CACNA1B: variants seen among roughly 807,000 people sequenced by gnomAD.
The protein encoded by CACNA1B is calcium voltage-gated channel subunit alpha1 B.
A neutral mutation model predicts 247.2 loss-of-function variants in CACNA1B; 70 were observed. The ratio of observed to expected loss-of-function variants is 0.28; its 90% confidence interval spans 0.23 to 0.35. CACNA1B has a LOEUF of 0.35. Among genes scored for constraint, CACNA1B ranks in the 10% least tolerant of loss-of-function variants. The probability of loss-of-function intolerance (pLI) is 1.00; values close to 1 mark genes in which losing one functional copy is unlikely to be tolerated. For missense variants in CACNA1B, 2,367 were observed against 3,197.4 expected (o/e 0.74, Z 6.26); for synonymous variants, 1,231 against 1,294.4 (o/e 0.95, Z 1.05).
chr9:137,878,316 G>A, intron 1 of CACNA1B, 99 bp downstream of exon 1: 1 of 1,057,182 alleles, frequency 9.5e-7, no homozygotes, highest in Non-Finnish European at 1.2e-6. Context: ...GCGACCTGGG[G>A]AGGCGTCGGG....
intron 3 of CACNA1B, among the ~76,000 whole-genome samples, chr9:137,903,721 A>G (rs1394693810): frequency 6.6e-6 from 1 of 152,166 alleles, no homozygotes; most frequent in Non-Finnish European, 1.5e-5. Context: ...CCAGGAATGT[A>G]GTATGTATGA....
intron 19 of CACNA1B, among the ~76,000 whole-genome samples, chr9:138,024,725 C>T (rs528713211): frequency 4.6e-4 from 70 of 152,272 alleles, no homozygotes; most frequent in Non-Finnish European, 7.4e-5. Flanking sequence ...ACTTCCCGGG[C>T]TGAAGCGATC....
intron 20 of CACNA1B, among the ~76,000 whole-genome samples, chr9:138,033,960 G>C (rs1171447808): frequency 6.6e-6 from 1 of 152,166 alleles, no homozygotes; most frequent in South Asian, 2.1e-4. Context: ...TGACAGATGG[G>C]AATAGAAGTA....
At chr9:138,041,458 A>AT (rs1287132209) in intron 20 of CACNA1B, among the ~76,000 whole-genome samples, 3 of 152,088 alleles carry the variant, frequency 2.0e-5, no homozygotes, top group Non-Finnish European at 2.9e-5. Context: ...CAGGGATTTA[A>AT]TTTTTTTAAC....
At chr9:137,915,231 G>T (rs1320944382) in intron 5 of CACNA1B, among the ~76,000 whole-genome samples, 3 of 152,210 alleles carry the variant, frequency 2.0e-5, no homozygotes, top group African/African-American at 7.2e-5. Context: ...GAGGAATCAT[G>T]TGGGCTTCAT....
chr9:138,075,308 G>A (rs1960277237), intron 34 of CACNA1B, among the ~76,000 whole-genome samples: 2 of 152,192 alleles, frequency 1.3e-5, no homozygotes, highest in Non-Finnish European at 2.9e-5. Flanking sequence ...ATGTGTCATA[G>A]TTCATAAATT....
intron 20 of CACNA1B, among the ~76,000 whole-genome samples, chr9:138,026,396 A>C (rs1958921435): frequency 6.6e-6 from 1 of 152,160 alleles, no homozygotes; most frequent in Admixed American, 6.5e-5. Context: ...TTTTATCTGC[A>C]GGAATCCAGA....
intron 40 of CACNA1B, among the ~76,000 whole-genome samples, chr9:138,114,023 G>A (rs1437131379): frequency 6.6e-6 from 1 of 151,852 alleles, no homozygotes; most frequent in Non-Finnish European, 1.5e-5. Context: ...CTCCTTGTGG[G>A]AGACGTGAGG....
In CACNA1B at chr9:137,913,562, T is replaced by C. The variant is rs1334198184; in HGVS notation, c.622+291T>C. Among the ~76,000 whole-genome samples the C allele has an allele frequency of 1.3e-5, 2 of 152,186 alleles. No homozygotes were observed. Among genetic ancestry groups the C allele is most frequent in the Non-Finnish European group, 2.9e-5 (2 of 68,018 alleles). On this transcript the variant is annotated intron_variant, in intron 4 of 46. Coordinates refer to ENST00000371372, the MANE Select transcript of CACNA1B (RefSeq NM_000718.4). This position sits in a 1 kb window ranked among gnomAD's most constrained non-coding sequence, Gnocchi z 5.2. ...CACATTTCAGCATTTTGCTTCTTTTTCTGAGGGTAAAGAATGGATGAGAGG... is the reference window on the plus strand; with the variant it reads ...CACATTTCAGCATTTTGCTTCTTTTCCTGAGGGTAAAGAATGGATGAGAGG...
At position 138,047,518 on chromosome 9, in the gene CACNA1B, G is replaced by A. The variant is rs1959194457; in HGVS notation, c.3603+60G>A. On this transcript the variant is annotated intron_variant, in intron 23 of 46. Transcript: ENST00000371372. ...TTTGCTCTCCCTCCCTCATGATTGA[G>A]ATGGGACCAGGGCAGTGGTTGAACC... The A allele has an allele frequency of 2.5e-6, 3 of 1,209,396 alleles. No individual in the cohort carries two copies. The East Asian group carries it at 7.0e-5, about 28-fold the overall frequency. 74.9% of individuals were successfully genotyped at this position (1,209,396 alleles called of 1,614,324 possible).
intron 6 of CACNA1B, among the ~76,000 whole-genome samples, chr9:137,926,137 TG>T (rs1216848271): frequency 9.3e-5 from 14 of 150,364 alleles, no homozygotes; most frequent in Non-Finnish European, 1.8e-4. Context: ...GGCACTATCT[TG>T]GCTCACTTGC....
chr9:137,972,645 G>A (rs1317691995), intron 11 of CACNA1B, among the ~76,000 whole-genome samples: 1 of 152,172 alleles, frequency 6.6e-6, no homozygotes, highest in African/African-American at 2.4e-5. Context: ...TGAGCTGCAG[G>A]ATCTGACAGC....
chr9:137,936,113 TC>T (rs1273763898), intron 6 of CACNA1B, among the ~76,000 whole-genome samples: 2 of 152,218 alleles, frequency 1.3e-5, no homozygotes, highest in Non-Finnish European at 2.9e-5. Flanking sequence ...CGCCTCGGCC[TC>T]CCAAAGTGCT....
chr9:138,061,617 A>G (rs1191563471), intron 31 of CACNA1B, among the ~76,000 whole-genome samples: 1 of 152,148 alleles, frequency 6.6e-6, no homozygotes, highest in South Asian at 2.1e-4. Flanking sequence ...CCTGGCTCAC[A>G]TGCATCCCCT....
chr9:138,004,078 G>A (rs1483387052), intron 15 of CACNA1B, among the ~76,000 whole-genome samples: 5 of 152,170 alleles, frequency 3.3e-5, no homozygotes, highest in Non-Finnish European at 5.9e-5. Flanking sequence ...TGAAGTCGGC[G>A]AAGGTGTGCA....
Position 137,913,384 on chromosome 9 carries a change from A to T in CACNA1B, c.622+113A>T. 1 of 769,108 alleles carries T rather than the reference A, an allele frequency of 1.3e-6. No homozygotes were observed. Among genetic ancestry groups the T allele is most frequent in the Non-Finnish European group, 2.1e-6 (1 of 471,206 alleles). The allele number at this position is 769,108 out of a possible 1,614,324, so 47.6% of individuals were successfully genotyped here. ...TGGCTTTGGTGACTCTGAGCTTGCC[A>T]CTTTTGACCCCAGGGAACCAGGCAG... On this transcript the variant is annotated intron_variant, in intron 4 of 46. Coordinates refer to ENST00000371372, the MANE Select transcript of CACNA1B (RefSeq NM_000718.4). This position sits in a 1 kb window ranked among gnomAD's most constrained non-coding sequence, Gnocchi z 5.2.
Position 137,957,597 on chromosome 9 carries a change from G to A in CACNA1B, c.1244-1G>A. ...TCTCTCCCATCCTTTGTTTAAAGCA[G>A]TGCTGAAGAGAGCGGCCACCAAGAA... On this transcript the variant is annotated splice_acceptor_variant, in intron 9 of 46. Coordinates refer to ENST00000371372, the MANE Select transcript of CACNA1B (RefSeq NM_000718.4). LOFTEE classifies it high-confidence loss of function. The surrounding 1 kb of genome is among the most constrained non-coding windows in gnomAD (Gnocchi z 4.7). 6.3e-7 allele frequency: 1 copy of A among 1,585,936 alleles called. No individual in the cohort carries two copies. Among genetic ancestry groups the A allele is most frequent in the Non-Finnish European group, 8.6e-7 (1 of 1,166,350 alleles).
intron 36 of CACNA1B, among the ~76,000 whole-genome samples, chr9:138,084,925 C>G (rs1960644987): frequency 2.0e-5 from 3 of 148,724 alleles, no homozygotes; most frequent in Non-Finnish European, 4.4e-5. Flanking sequence ...GCACTCCAGC[C>G]TGGGTGACAG....
At chr9:137,925,917 AT>A (rs60826721) in intron 6 of CACNA1B, among the ~76,000 whole-genome samples, 45,461 of 124,602 alleles carry the variant, frequency 0.36, 9,699 homozygotes, top group East Asian at 0.67. Context: ...TAAGTTTTGC[AT>A]TTTTTTTTTT....
Sources: gnomAD v4.1 joint callset for allele counts (sites outside exome capture counted in the v4.1 genomes callset) on GRCh38, gnomAD v4.1.1 for gene constraint, Gnocchi (gnomAD v3.1) non-coding constraint, MANE v1.5 for transcripts, NCBI Gene and HGNC (gene_info 2026-07-23, HGNC 2026-07-21) for gene names.